The following SAMMSON variants were observed in gnomAD, a reference collection of about 807,000 sequenced individuals.
SAMMSON encodes long intergenic non-protein coding RNA 1212.
chr3:70,277,105 T>C (rs1702034626), intron 6 of SAMMSON, among the ~76,000 whole-genome samples: 2 of 152,120 alleles, frequency 1.3e-5, no homozygotes, highest in Admixed American at 6.6e-5. Flanking sequence ...GTGAGAAACA[T>C]TGGCTAAGTC....
At chr3:70,302,896 C>G (rs1302463005) in intron 7 of SAMMSON, among the ~76,000 whole-genome samples, 1 of 151,990 alleles carries the variant, frequency 6.6e-6, no homozygotes, top group East Asian at 1.9e-4. Context: ...ACTTCATAGG[C>G]TTAGTTGGAA....
At chr3:70,401,282 A>G (rs1208669036) in intron 2 of SAMMSON, among the ~76,000 whole-genome samples, 5 of 152,226 alleles carry the variant, frequency 3.3e-5, no homozygotes, top group African/African-American at 9.6e-5. Flanking sequence ...GTGAAGAGCT[A>G]CAACTCCTTT....
chr3:70,353,762 G>A (rs1174204053), intron 7 of SAMMSON, among the ~76,000 whole-genome samples: 1 of 152,160 alleles, frequency 6.6e-6, no homozygotes, highest in Admixed American at 6.5e-5. Flanking sequence ...ACAAAAACCT[G>A]TGCATAAATG....
At chr3:70,378,979 TTTTA>T (rs145138282) in intron 9 of SAMMSON, among the ~76,000 whole-genome samples, 29,797 of 141,268 alleles carry the variant, frequency 0.21, 3,328 homozygotes, top group Middle Eastern at 0.25. Flanking sequence ...ATACTTACAC[TTTTA>T]TTTATTTATT....
intron 4 of SAMMSON, among the ~76,000 whole-genome samples, chr3:70,185,807 CAAAA>C (rs34529551): frequency 2.9e-5 from 3 of 102,968 alleles, no homozygotes; most frequent in African/African-American, 4.0e-5. Flanking sequence ...CCCGCCTCTA[CAAAA>C]AAAAAAAAAA....
At chr3:70,014,590 T>C (rs1264260263) in intron 3 of SAMMSON, 1 of 152,112 alleles carries the variant, frequency 6.6e-6, no homozygotes. Flanking sequence ...AGCATGAACA[T>C]ATAAAAGAGG....
At chr3:70,190,208 C>G (rs1245754245) in intron 4 of SAMMSON, among the ~76,000 whole-genome samples, 1 of 152,134 alleles carries the variant, frequency 6.6e-6, no homozygotes, top group African/African-American at 2.4e-5. Context: ...GACTAATGGT[C>G]CTTTTCTAAT....
intron 7 of SAMMSON, among the ~76,000 whole-genome samples, chr3:70,346,310 T>C (rs953220354): frequency 4.6e-5 from 4 of 87,058 alleles, no homozygotes; most frequent in African/African-American, 1.6e-4. Context: ...TTTTGCTCAT[T>C]GTTTTTTTTT....
At chr3:70,013,974 C>T (rs918937055) in intron 3 of SAMMSON, 1 of 152,124 alleles carries the variant, frequency 6.6e-6, no homozygotes, top group Non-Finnish European at 1.5e-5. Flanking sequence ...TTGCTTGGTT[C>T]CTCTTGTTAG....
intron 6 of SAMMSON, among the ~76,000 whole-genome samples, chr3:70,279,354 C>T (rs1702057956): frequency 6.6e-6 from 1 of 151,986 alleles, no homozygotes; most frequent in Non-Finnish European, 1.5e-5. Flanking sequence ...AAACCAAATC[C>T]ATTCGATTCC....
rs960416428 is a variant in SAMMSON at position 70,282,588 on chromosome 3, C to T, written n.675-8591C>T. 5.9e-5 allele frequency among the ~76,000 whole-genome samples: 9 copies of T among 152,266 alleles called. No homozygotes were observed. In the South Asian group the frequency reaches 1.9e-3, roughly 32 times the overall value. On this transcript the variant is annotated intron_variant and non_coding_transcript_variant, in intron 6 of 9. Transcript: ENST00000642114. ...AGTCTCCTGAATCAGGAACTTTGCA[C>T]TTGCTATTTTCTATGCTGGAAATCC...
intron 7 of SAMMSON, among the ~76,000 whole-genome samples, chr3:70,331,963 A>C (rs1702624631): frequency 6.6e-6 from 1 of 152,240 alleles, no homozygotes; most frequent in African/African-American, 2.4e-5. Context: ...TCACTACTGT[A>C]TGTGCAGACA....
intron 7 of SAMMSON, among the ~76,000 whole-genome samples, chr3:70,329,913 T>G (rs902664353): frequency 3.3e-5 from 5 of 152,028 alleles, no homozygotes; most frequent in Admixed American, 2.6e-4. Context: ...AACACCTGTA[T>G]GTACTTCATA....
downstream of SAMMSON, among the ~76,000 whole-genome samples, chr3:70,392,747 C>A (rs547959879): frequency 2.6e-5 from 4 of 151,966 alleles, no homozygotes; most frequent in African/African-American, 9.7e-5. Flanking sequence ...AATATTGACC[C>A]GCCAGGGTTG....
At chr3:70,303,823 A>G (rs1684077417) in intron 7 of SAMMSON, among the ~76,000 whole-genome samples, 1 of 152,062 alleles carries the variant, frequency 6.6e-6, no homozygotes, top group African/African-American at 2.4e-5. Context: ...CTGGAATTAC[A>G]GGCATGTGCC....
chr3:70,333,601 ATTTT>A (rs1260969021), intron 7 of SAMMSON, among the ~76,000 whole-genome samples: 1 of 151,888 alleles, frequency 6.6e-6, no homozygotes, highest in South Asian at 2.1e-4. Flanking sequence ...CCTTGATTTT[ATTTT>A]TTTTCTTTTC....
At chr3:70,375,548 G>C (rs1298637341) in intron 9 of SAMMSON, among the ~76,000 whole-genome samples, 1 of 151,998 alleles carries the variant, frequency 6.6e-6, no homozygotes, top group Non-Finnish European at 1.5e-5. Flanking sequence ...GGCCAGGGCA[G>C]TTCTCCAGGT....
intron 7 of SAMMSON, chr3:70,312,668 T>A (rs1439414745): frequency 2.0e-5 from 3 of 152,034 alleles, no homozygotes. Context: ...AAGAAGCAAA[T>A]ACACTCCCTC....
intron 7 of SAMMSON, among the ~76,000 whole-genome samples, chr3:70,306,469 A>C (rs961098623): frequency 6.6e-6 from 1 of 152,064 alleles, no homozygotes; most frequent in Non-Finnish European, 1.5e-5. Context: ...TACAGAAAAG[A>C]AGCTATACTT....
Sources: gnomAD v4.1 joint callset for allele counts (sites outside exome capture counted in the v4.1 genomes callset) on GRCh38, gnomAD v4.1.1 for gene constraint, MANE v1.5 for transcripts, NCBI Gene and HGNC (gene_info 2026-07-23, HGNC 2026-07-21) for gene names.